The following YTHDF2 variants were observed in gnomAD, a reference collection of about 807,000 sequenced individuals.
YTHDF2 encodes YTH domain-containing family protein 2.
YTHDF2 carries 2 observed loss-of-function variants against 50.4 expected under a neutral mutation model. That is an observed-to-expected ratio of 0.04 (90% CI 0.02 to 0.12). The LOEUF is 0.12. Ranked by LOEUF, YTHDF2 falls within the 10% of genes least tolerant of loss-of-function variation. YTHDF2 has a pLI of 1.00. For missense variants in YTHDF2, 483 were observed against 722.6 expected (o/e 0.67, Z 3.80); for synonymous variants, 217 against 255.6 (o/e 0.85, Z 1.44).
chr1:28,754,560 A>G (rs2088008339), intron 4 of YTHDF2, among the ~76,000 whole-genome samples: 1 of 151,146 alleles, frequency 6.6e-6, no homozygotes, highest in Admixed American at 6.6e-5. Context: ...GCGGTGGCTC[A>G]TGCCTGTAAT....
intron 4 of YTHDF2, among the ~76,000 whole-genome samples, chr1:28,757,858 CTT>C (rs1370619554): frequency 1.3e-5 from 2 of 152,096 alleles, no homozygotes; most frequent in African/African-American, 4.8e-5. Context: ...ATTTCATCCT[CTT>C]TTTCTTAGTG....
chr1:28,745,225 A>G (rs529397855), intron 4 of YTHDF2, among the ~76,000 whole-genome samples: 4 of 152,240 alleles, frequency 2.6e-5, no homozygotes, highest in African/African-American at 4.8e-5. Context: ...CGTTGGTACA[A>G]TCTTCTTGGA....
At chr1:28,759,579 G>A (rs529503280) in intron 4 of YTHDF2, among the ~76,000 whole-genome samples, 7 of 152,254 alleles carry the variant, frequency 4.6e-5, no homozygotes, top group South Asian at 2.1e-4. Context: ...GCATGTTACC[G>A]TACTGAATAG....
chr1:28,738,890 A>G (rs1021889282), intron 3 of YTHDF2, among the ~76,000 whole-genome samples: 2 of 152,230 alleles, frequency 1.3e-5, no homozygotes, highest in African/African-American at 4.8e-5. Flanking sequence ...TCTCTGTAAT[A>G]TCAGCAACCA....
chr1:28,766,648 A>G (rs1469314580), intron 4 of YTHDF2, among the ~76,000 whole-genome samples: 2 of 152,060 alleles, frequency 1.3e-5, no homozygotes, highest in Non-Finnish European at 2.9e-5. Flanking sequence ...TTTCTCATCA[A>G]ACTGTCTCCT....
chr1:28,736,775 C>G (rs1020450433), upstream of YTHDF2: 1 of 312,592 alleles, frequency 3.2e-6, no homozygotes, highest in Non-Finnish European at 6.0e-6. Flanking sequence ...CCTCTCCCTT[C>G]CCGGGGTTCT....
chr1:28,742,912 G>C lies in YTHDF2; in HGVS notation c.642G>C (p.Gly214=). The change falls in exon 4 of 5, where the codon GGG becomes GGC. Residue 214 remains glycine (G), a synonymous_variant. Transcript: ENST00000373812. ...TTGTAGGTTCTGCTGTTGGTAGCGGGTCCATTACTAGTAACATCGTGGCTT... is the reference window on the plus strand; with the variant it reads ...TTGTAGGTTCTGCTGTTGGTAGCGGCTCCATTACTAGTAACATCGTGGCTT... ...PKVVGSAVGS[G]SITSNIVASN... is the part of the protein sequence containing the mutation. The C allele has an allele frequency of 6.2e-7, 1 of 1,614,078 alleles. No homozygotes were observed. Among genetic ancestry groups the C allele is most frequent in the Non-Finnish European group, 8.5e-7 (1 of 1,180,012 alleles).
intron 4 of YTHDF2, among the ~76,000 whole-genome samples, chr1:28,749,277 C>T (rs1050156618): frequency 4.0e-5 from 6 of 151,274 alleles, no homozygotes; most frequent in South Asian, 4.2e-4. Context: ...CTGCAAGCTC[C>T]GCCTCCCGGG....
At chr1:28,738,464 A>G in intron 3 of YTHDF2, 126 bp downstream of exon 3, 4 of 897,192 alleles carry the variant, frequency 4.5e-6, no homozygotes, top group Non-Finnish European at 6.8e-6. Flanking sequence ...TGTTTTTTTG[A>G]GACTGAGTCT....
At chr1:28,737,619 G>C (rs376069875) in intron 1 of YTHDF2, 39 bp from the exon 2 acceptor site, 119 of 1,613,560 alleles carry the variant, frequency 7.4e-5, no homozygotes, top group Non-Finnish European at 1.0e-4. Context: ...TTTCTCCTTT[G>C]GACAACTTGC....
intron 3 of YTHDF2, 91 bp downstream of exon 3, chr1:28,738,429 A>AT (rs964001631): frequency 1.3e-3 from 1,541 of 1,149,232 alleles, no homozygotes; most frequent in Non-Finnish European, 1.5e-3. Flanking sequence ...CTGAGGATTC[A>AT]TTTTTTTTTC....
At chr1:28,765,765 G>C (rs1287187798) in intron 4 of YTHDF2, among the ~76,000 whole-genome samples, 3 of 152,240 alleles carry the variant, frequency 2.0e-5, no homozygotes, top group African/African-American at 7.2e-5. Flanking sequence ...AATAATTTCA[G>C]ATTTACTCTT....
intron 4 of YTHDF2, among the ~76,000 whole-genome samples, chr1:28,759,060 G>A (rs1451530068): frequency 6.6e-6 from 1 of 152,112 alleles, no homozygotes; most frequent in African/African-American, 2.4e-5. Context: ...AGTACAAAAA[G>A]TACCCTCTGA....
intron 4 of YTHDF2, among the ~76,000 whole-genome samples, chr1:28,748,079 G>A (rs987235012): frequency 2.7e-4 from 41 of 151,330 alleles, no homozygotes; most frequent in African/African-American, 9.5e-4. Context: ...AGTGAGCCAA[G>A]ATGGCGCCAC....
chr1:28,761,649 A>G (rs2088134028), intron 4 of YTHDF2, among the ~76,000 whole-genome samples: 1 of 152,138 alleles, frequency 6.6e-6, no homozygotes, highest in Non-Finnish European at 1.5e-5. Flanking sequence ...AGGCAGAAGA[A>G]TCGCTTGAAC....
In YTHDF2 at chr1:28,737,062, C is replaced by A; in HGVS notation, c.-59C>A. On this transcript the variant is annotated 5_prime_UTR_variant, in exon 1 of 5. Transcript: ENST00000373812. ...GCTCCCGCAGACGGGGCTCATCTGC[C>A]GCCGCCGCCGCGCTGAGGAGAGTTC... 1 of 1,423,048 alleles carries A rather than the reference C, an allele frequency of 7.0e-7. No homozygotes were observed. The highest frequency in any genetic ancestry group is 9.4e-7 in the Non-Finnish European group (1 of 1,061,402). The allele number at this position is 1,423,048 out of a possible 1,614,324, so 88.2% of individuals were successfully genotyped here. A position where few individuals can be genotyped will look rare whatever the true frequency, so the allele number is the denominator to read the frequency against.
chr1:28,744,101 A>T (rs12084540), intron 4 of YTHDF2, 115 bp downstream of exon 4: 1 of 1,119,670 alleles, frequency 8.9e-7, no homozygotes, highest in Admixed American at 3.4e-5. Context: ...AGTATCACCT[A>T]ACAGTTCAAG....
chr1:28,767,441 CTG>C (rs1234055185), intron 4 of YTHDF2, among the ~76,000 whole-genome samples: 4 of 152,114 alleles, frequency 2.6e-5, no homozygotes, highest in South Asian at 2.1e-4. Context: ...AATTTATTGT[CTG>C]TATTTCTGGA....
chr1:28,746,734 TG>T (rs1343634558), intron 4 of YTHDF2, among the ~76,000 whole-genome samples: 1 of 152,006 alleles, frequency 6.6e-6, no homozygotes, highest in African/African-American at 2.4e-5. Context: ...CACTCCAGCC[TG>T]GGCGATAGAG....
Sources: allele counts gnomAD v4.1 joint callset (sites outside exome capture counted in the v4.1 genomes callset), GRCh38; gene constraint gnomAD v4.1.1; transcripts MANE v1.5; gene names NCBI Gene and HGNC (gene_info 2026-07-23, HGNC 2026-07-21).